The following BMPR1B variants were observed in gnomAD, a reference collection of about 807,000 sequenced individuals.
BMPR1B encodes the protein bone morphogenetic protein receptor type-1B.
BMPR1B carries 12 observed loss-of-function variants against 59.1 expected under a neutral mutation model. That is an observed-to-expected ratio of 0.20 (90% CI 0.13 to 0.33). The LOEUF (loss-of-function observed/expected upper bound fraction) is 0.33, where lower values mean the gene tolerates loss of function less well. Among genes scored for constraint, BMPR1B ranks in the 10% least tolerant of loss-of-function variants. The pLI, the probability that BMPR1B is intolerant of heterozygous loss-of-function variation, is 1.00. For synonymous variants in BMPR1B, 237 were observed against 207.3 expected (o/e 1.14, Z -1.23); for missense variants, 550 against 610.9 (o/e 0.90, Z 1.05).
At chr4:94,763,065 T>A (rs1376492764) in intron 1 of BMPR1B, among the ~76,000 whole-genome samples, 1 of 152,144 alleles carries the variant, frequency 6.6e-6, no homozygotes, top group Non-Finnish European at 1.5e-5. Flanking sequence ...TCCTAGGAAG[T>A]GTTGCAGTAA....
chr4:95,134,185 C>T (rs1202788890), intron 10 of BMPR1B, among the ~76,000 whole-genome samples: 4 of 152,160 alleles, frequency 2.6e-5, no homozygotes, highest in Non-Finnish European at 5.9e-5. Flanking sequence ...ATCCATGTCC[C>T]TACAAAGAAT....
intron 3 of BMPR1B, among the ~76,000 whole-genome samples, chr4:95,036,728 T>C (rs963085225): frequency 5.3e-5 from 8 of 150,074 alleles, no homozygotes; most frequent in Non-Finnish European, 1.0e-4. Context: ...TTTTTTGATA[T>C]TTACCTAGTA....
chr4:95,009,684 T>C (rs1723089609), intron 3 of BMPR1B, among the ~76,000 whole-genome samples: 2 of 152,258 alleles, frequency 1.3e-5, no homozygotes, highest in African/African-American at 4.8e-5. Flanking sequence ...ATACCCTTAT[T>C]TTCTACTTTA....
chr4:94,976,731 A>T (rs569852148), intron 2 of BMPR1B, among the ~76,000 whole-genome samples: 13 of 152,336 alleles, frequency 8.5e-5, no homozygotes, highest in African/African-American at 3.1e-4. Flanking sequence ...TGGGGCAAGC[A>T]TAGGAAAATT....
chr4:94,844,074 T>A lies in BMPR1B; in HGVS notation c.-182-31757T>A, dbSNP rs73836111. On this transcript the variant is annotated intron_variant, in intron 1 of 12. Transcript: ENST00000515059. ...GCTTTCAGTTAGAAGATGAGTAAGT[T>A]CTAGAGATCTCATGTGCAGCATGGG... Among the ~76,000 whole-genome samples, 1,327 of 152,246 alleles carry A rather than the reference T, an allele frequency of 8.7e-3. 20 individuals are homozygous for A. The highest frequency in any genetic ancestry group is 0.03 in the African/African-American group (1,255 of 41,528).
intron 3 of BMPR1B, chr4:95,103,397 A>G (rs925842701): frequency 1.0e-6 from 1 of 956,910 alleles, no homozygotes; most frequent in Admixed American, 6.2e-5. Context: ...CTTAGATTTC[A>G]CTATAGATAA....
At chr4:94,911,119 A>G (rs1482820319) in intron 2 of BMPR1B, among the ~76,000 whole-genome samples, 1 of 152,144 alleles carries the variant, frequency 6.6e-6, no homozygotes, top group African/African-American at 2.4e-5. Context: ...CAGTGGGATG[A>G]GCTGAGGAAA....
chr4:94,836,369 C>T (rs1231156427), intron 1 of BMPR1B, among the ~76,000 whole-genome samples: 1 of 137,104 alleles, frequency 7.3e-6, no homozygotes, highest in Non-Finnish European at 1.6e-5. Flanking sequence ...GTTTACAGTC[C>T]CACCAACAGT....
chr4:94,774,813 C>G (rs1722308947), intron 1 of BMPR1B, among the ~76,000 whole-genome samples: 1 of 152,118 alleles, frequency 6.6e-6, no homozygotes, highest in Admixed American at 6.5e-5. Context: ...GTTTCTCTCT[C>G]TATCTTTTAC....
chr4:94,804,768 AT>A (rs1014306476), intron 1 of BMPR1B, among the ~76,000 whole-genome samples: 1 of 152,072 alleles, frequency 6.6e-6, no homozygotes, highest in Non-Finnish European at 1.5e-5. Context: ...TGTGGAAACT[AT>A]TTTGTAACAC....
intron 3 of BMPR1B, among the ~76,000 whole-genome samples, chr4:95,004,559 A>T (rs970839183): frequency 1.3e-5 from 2 of 152,152 alleles, no homozygotes; most frequent in African/African-American, 4.8e-5. Context: ...TGCACATTAT[A>T]TGGTTGAAAC....
intron 3 of BMPR1B, among the ~76,000 whole-genome samples, chr4:95,101,361 G>A (rs1014708870): frequency 2.6e-5 from 4 of 152,132 alleles, no homozygotes; most frequent in Non-Finnish European, 5.9e-5. Context: ...TCAGTGATAT[G>A]TGTGTTGCTT....
At chr4:94,790,223 A>AC (rs930632994) in intron 1 of BMPR1B, among the ~76,000 whole-genome samples, 1 of 152,076 alleles carries the variant, frequency 6.6e-6, no homozygotes, top group African/African-American at 2.4e-5. Context: ...GGTGCCTCTA[A>AC]CCCCCGCATT....
At chr4:94,907,124 A>G (rs1486511307) in intron 2 of BMPR1B, among the ~76,000 whole-genome samples, 1 of 152,070 alleles carries the variant, frequency 6.6e-6, no homozygotes, top group African/African-American at 2.4e-5. Context: ...GCACATGCCT[A>G]TGCTTTATCC....
Position 95,102,114 on chromosome 4 carries a change from T to A in BMPR1B, c.-17-2294T>A, listed in dbSNP as rs1464543972. Among the ~76,000 whole-genome samples the A allele has an allele frequency of 2.0e-5, 3 of 152,260 alleles. No homozygotes were observed. The East Asian group carries it at 5.8e-4, about 29-fold the overall frequency. ...ATCCTCTAGTGTTGTAAATATGAGT[T>A]GTTATAAGCAATATTGTGAAGAACC... On this transcript the variant is annotated intron_variant, in intron 3 of 12. Transcript: ENST00000515059.
intron 1 of BMPR1B, among the ~76,000 whole-genome samples, chr4:94,768,964 ATAAT>A (rs1722072862): frequency 6.6e-6 from 1 of 152,186 alleles, no homozygotes; most frequent in Non-Finnish European, 1.5e-5. Flanking sequence ...ACAAAAATCT[ATAAT>A]TATACAGGTT....
At chr4:95,045,869 TG>T (rs1232113339) in intron 3 of BMPR1B, among the ~76,000 whole-genome samples, 1 of 152,190 alleles carries the variant, frequency 6.6e-6, no homozygotes, top group East Asian at 1.9e-4. Flanking sequence ...AAATAGTGAA[TG>T]TTTTTTAGAT....
chr4:95,092,961 G>T (rs1160124408), intron 3 of BMPR1B, among the ~76,000 whole-genome samples: 1 of 152,092 alleles, frequency 6.6e-6, no homozygotes, highest in Non-Finnish European at 1.5e-5. Context: ...TAAAACCATA[G>T]CTCCTGGCTT....
intron 3 of BMPR1B, among the ~76,000 whole-genome samples, chr4:95,017,012 G>A (rs1295484011): frequency 3.3e-5 from 5 of 152,158 alleles, no homozygotes; most frequent in African/African-American, 1.2e-4. Flanking sequence ...TGCTCCTTCA[G>A]TTTCTTTTTC....
Sources: allele counts gnomAD v4.1 joint callset (sites outside exome capture counted in the v4.1 genomes callset), GRCh38; gene constraint gnomAD v4.1.1; transcripts MANE v1.5; gene names NCBI Gene and HGNC (gene_info 2026-07-23, HGNC 2026-07-21).